The following MAGI1 variants were observed in gnomAD, a reference collection of about 807,000 sequenced individuals.
The protein encoded by MAGI1 is membrane-associated guanylate kinase, WW and PDZ domain-containing protein 1.
In MAGI1, 58 loss-of-function variants were observed where a neutral mutation model predicts 139.9. The ratio of observed to expected loss-of-function variants is 0.41; its 90% CI spans 0.34 to 0.52. The LOEUF (loss-of-function observed/expected upper bound fraction) is 0.52, where lower values mean the gene tolerates loss of function less well. Ranked by LOEUF, MAGI1 falls within the 20% of genes least tolerant of loss-of-function variation. MAGI1 has a pLI of 0.12. For missense variants in MAGI1, 1,874 were observed against 1,901.6 expected, an observed-to-expected ratio of 0.99 and a Z score of 0.27; for synonymous variants, 812 against 737.9, an observed-to-expected ratio of 1.10 and a Z score of -1.63.
At chr3:65,416,706 A>C (rs1946244836) in intron 12 of MAGI1, among the ~76,000 whole-genome samples, 1 of 152,224 alleles carries the variant, frequency 6.6e-6, no homozygotes, top group Non-Finnish European at 1.5e-5. Flanking sequence ...CCAGGTAACA[A>C]CTTGGCAAAC....
At chr3:65,789,668 C>T (rs531396975) in intron 1 of MAGI1, among the ~76,000 whole-genome samples, 1 of 152,236 alleles carries the variant, frequency 6.6e-6, no homozygotes, top group Admixed American at 6.5e-5. Flanking sequence ...AGGACAGAAC[C>T]GAAGCACGTA....
chr3:66,037,617 C>T (rs1258929747), intron 1 of MAGI1, among the ~76,000 whole-genome samples: 1 of 152,132 alleles, frequency 6.6e-6, no homozygotes, highest in Non-Finnish European at 1.5e-5. Context: ...GACTCGTGGC[C>T]AAAGAACGCC....
chr3:66,025,656 C>T (rs1480508145), intron 1 of MAGI1, among the ~76,000 whole-genome samples: 1 of 152,012 alleles, frequency 6.6e-6, no homozygotes, highest in Non-Finnish European at 1.5e-5. Flanking sequence ...AAGAAAAAGC[C>T]CCCCCATCTT....
intron 1 of MAGI1, among the ~76,000 whole-genome samples, chr3:65,695,234 C>G (rs2089051891): frequency 6.6e-6 from 1 of 152,122 alleles, no homozygotes; most frequent in African/African-American, 2.4e-5. Flanking sequence ...AAAATGAATA[C>G]AGGATAAAAG....
At chr3:65,461,069 T>G (rs1949748814) in intron 5 of MAGI1, among the ~76,000 whole-genome samples, 1 of 152,158 alleles carries the variant, frequency 6.6e-6, no homozygotes, top group South Asian at 2.1e-4. Flanking sequence ...TACCCAGTAA[T>G]GGAATTGCTG....
intron 1 of MAGI1, among the ~76,000 whole-genome samples, chr3:65,775,742 G>C (rs1190247155): frequency 1.3e-5 from 2 of 151,846 alleles, no homozygotes; most frequent in Non-Finnish European, 2.9e-5. Context: ...AGGAGTTCAA[G>C]ACCAGCCTGG....
intron 1 of MAGI1, among the ~76,000 whole-genome samples, chr3:65,920,215 T>G (rs937596460): frequency 6.6e-6 from 1 of 152,222 alleles, no homozygotes; most frequent in Non-Finnish European, 1.5e-5. Flanking sequence ...TTTAAAGAGC[T>G]GGTTTCCACC....
intron 12 of MAGI1, among the ~76,000 whole-genome samples, chr3:65,410,548 AT>A (rs1945714104): frequency 6.6e-6 from 1 of 152,216 alleles, no homozygotes; most frequent in African/African-American, 2.4e-5. Context: ...TACCAAATGC[AT>A]TTACAGAAAA....
chr3:65,589,564 T>A (rs2081864730), intron 2 of MAGI1, among the ~76,000 whole-genome samples: 1 of 152,160 alleles, frequency 6.6e-6, no homozygotes, highest in Non-Finnish European at 1.5e-5. Context: ...TGACCCCCCC[T>A]GCATTAACTT....
chr3:65,660,305 T>C (rs1576632262), intron 1 of MAGI1, among the ~76,000 whole-genome samples: 1 of 152,380 alleles, frequency 6.6e-6, no homozygotes, highest in East Asian at 1.9e-4. Context: ...TCGCCCTCTC[T>C]GAGTTTATAG....
At chr3:65,746,806 C>T (rs1351589519) in intron 1 of MAGI1, among the ~76,000 whole-genome samples, 2 of 151,972 alleles carry the variant, frequency 1.3e-5, no homozygotes, top group Non-Finnish European at 2.9e-5. Context: ...TAGTCAATCA[C>T]TGACTCAGTA....
At chr3:65,996,697 C>T (rs1312697829) in intron 1 of MAGI1, among the ~76,000 whole-genome samples, 2 of 152,156 alleles carry the variant, frequency 1.3e-5, no homozygotes, top group Non-Finnish European at 1.5e-5. Context: ...GTTCTGAGCC[C>T]GGAGCTCTCT....
At position 65,470,300 on chromosome 3, in the gene MAGI1, T is replaced by C; in HGVS notation, c.942A>G (p.Gly314=). The C allele has an allele frequency of 1.9e-6, 3 of 1,609,036 alleles. No homozygotes were observed. Among genetic ancestry groups the C allele is most frequent in the Non-Finnish European group, 2.6e-6 (3 of 1,175,494 alleles). Residue 314 remains glycine (G), a synonymous_variant, in exon 5 of 23, where the codon GGA becomes GGG. Coordinates refer to ENST00000402939, the MANE Select transcript of MAGI1 (RefSeq NM_001033057.2). ...TACTTTACTCTATAAAATAGACTTCTCCATTTTCAGTATAGGCCATCTCCC... is the reference window on the plus strand; with the variant it reads ...TACTTTACTCTATAAAATAGACTTCCCCATTTTCAGTATAGGCCATCTCCC... ...ENWEMAYTEN[G]EVYFIDHNTK...
chr3:65,623,177 C>CAG (rs1377784420), intron 1 of MAGI1, among the ~76,000 whole-genome samples: 3 of 152,132 alleles, frequency 2.0e-5, no homozygotes, highest in African/African-American at 4.8e-5. Context: ...ATCACACAGA[C>CAG]AGAGAGAGAG....
intron 2 of MAGI1, among the ~76,000 whole-genome samples, chr3:65,517,723 G>A (rs541597395): frequency 6.6e-6 from 1 of 152,144 alleles, no homozygotes; most frequent in East Asian, 1.9e-4. Context: ...TGAGCTCTCT[G>A]CCACAGGGAT....
At chr3:65,835,676 A>ATAT (rs2042766352) in intron 1 of MAGI1, among the ~76,000 whole-genome samples, 1 of 152,196 alleles carries the variant, frequency 6.6e-6, no homozygotes, top group African/African-American at 2.4e-5. Flanking sequence ...ATTTGCACTA[A>ATAT]TATTATATTT....
intron 1 of MAGI1, among the ~76,000 whole-genome samples, chr3:65,738,175 C>T (rs746048887): frequency 3.3e-5 from 5 of 152,146 alleles, no homozygotes; most frequent in African/African-American, 9.7e-5. Context: ...ACTGTGGGTT[C>T]GGTTCCTGAT....
In MAGI1 at chr3:65,429,625, C is replaced by G; in HGVS notation, c.2062G>C (p.Glu688Gln). 6.2e-7 allele frequency: 1 copy of G among 1,613,986 alleles called. No individual in the cohort carries two copies. The highest frequency in any genetic ancestry group is 8.5e-7 in the Non-Finnish European group (1 of 1,179,938). The change falls in exon 12 of 23, where the codon GAA (glutamate) becomes CAA (glutamine). Residue 688 changes from glutamate (E) to glutamine (Q), a missense_variant. Glu to Gln is a conservative substitution (Grantham distance 29, BLOSUM62 2). Transcript: ENST00000402939. ...RGLKEGDLIV[E>Q]VNKKNVQALT... ...GCCTGCACGTTCTTCTTATTAACTT[C>G]CACTATGAGATCCCCTTCTTTCAGG...
Position 65,622,103 on chromosome 3 carries a change from T to G in MAGI1, c.314-15A>C. On this transcript the variant is annotated splice_polypyrimidine_tract_variant and intron_variant, in intron 1 of 22. Transcript: ENST00000402939. ...CAGCCTTCCTCCTGCAGGAAATACA[T>G]AAAATAGACATACCACATCAACACA... 6.4e-7 allele frequency: 1 copy of G among 1,553,688 alleles called. No individual in the cohort carries two copies. The highest frequency in any genetic ancestry group is 8.9e-7 in the Non-Finnish European group (1 of 1,125,220).
Sources: allele counts gnomAD v4.1 joint callset (sites outside exome capture counted in the v4.1 genomes callset), GRCh38; gene constraint gnomAD v4.1.1; transcripts MANE v1.5; gene names NCBI Gene and HGNC (gene_info 2026-07-23, HGNC 2026-07-21).